Variants in CYFIP1 observed in about 807,000 individuals in gnomAD.
The protein encoded by CYFIP1 is cytoplasmic FMR1-interacting protein 1.
A neutral mutation model predicts 163.5 loss-of-function variants in CYFIP1; 58 were observed. The ratio of observed to expected loss-of-function variants is 0.35; its 90% CI spans 0.29 to 0.44. The LOEUF is 0.44. Among genes scored for constraint, CYFIP1 ranks in the 20% least tolerant of loss-of-function variants. The probability of loss-of-function intolerance (pLI) is 1.00; values close to 1 mark genes in which losing one functional copy is unlikely to be tolerated. For synonymous variants in CYFIP1, 663 were observed against 660.7 expected (o/e 1.00, Z -0.05); for missense variants, 1,338 against 1,653.8 (o/e 0.81, Z 3.31).
At position 22,957,432 on chromosome 15, in the gene CYFIP1, C is replaced by T. The variant is rs551210915; in HGVS notation, c.-6-10141G>A. ...CAGGTGGATCACGAGGTCAGGAGAT[C>T]AAGACCATCCTAGCTAACACGGTGA... On this transcript the variant is annotated intron_variant, in intron 1 of 30. Coordinates refer to ENST00000617928, the MANE Select transcript of CYFIP1 (RefSeq NM_014608.6). Among the ~76,000 whole-genome samples, 266 of 152,256 alleles carry T rather than the reference C, an allele frequency of 1.7e-3. 1 individual carries two copies. In the Middle Eastern group the frequency reaches 0.02, roughly 12 times the overall value.
chr15:22,975,641 C>A (rs1240691092), intron 1 of CYFIP1, among the ~76,000 whole-genome samples: 3 of 152,056 alleles, frequency 2.0e-5, no homozygotes, highest in Non-Finnish European at 2.9e-5. Flanking sequence ...TGCCTGTAAT[C>A]CAAGCTACTT....
At chr15:22,977,383 T>C (rs893181918) in intron 1 of CYFIP1, among the ~76,000 whole-genome samples, 1 of 152,176 alleles carries the variant, frequency 6.6e-6, no homozygotes. Flanking sequence ...TTTTCTTTCT[T>C]TGTCTGATAC....
At chr15:22,909,050 G>C (rs74003072) in intron 21 of CYFIP1, 144 bp downstream of exon 21, 2 of 1,014,696 alleles carry the variant, frequency 2.0e-6, no homozygotes, top group East Asian at 5.0e-5. Context: ...TATAGGCCAC[G>C]CCCAGTGAGT....
intron 22 of CYFIP1, among the ~76,000 whole-genome samples, chr15:22,898,260 T>A (rs966813845): frequency 2.0e-4 from 31 of 151,926 alleles, no homozygotes; most frequent in African/African-American, 6.0e-4. Flanking sequence ...AATTTAATTT[T>A]ATTTATTTAT....
intron 17 of CYFIP1, among the ~76,000 whole-genome samples, chr15:22,913,881 A>G: frequency 1.3e-5 from 2 of 152,270 alleles, no homozygotes; most frequent in Middle Eastern, 6.8e-3. Context: ...GTGGAAGGTG[A>G]CTGCCCTTAC....
chr15:22,951,216 A>T (rs1440070197), intron 1 of CYFIP1: 2 of 655,230 alleles, frequency 3.1e-6, no homozygotes, highest in Non-Finnish European at 2.0e-6. Flanking sequence ...ACCGCCAGCC[A>T]CCTGGACCTC....
intron 1 of CYFIP1, among the ~76,000 whole-genome samples, chr15:22,963,541 T>TAACATAA (rs1595717399): frequency 3.6e-5 from 5 of 140,332 alleles, no homozygotes; most frequent in East Asian, 4.4e-4. Context: ...TAACATAACA[T>TAACATAA]AACATAACAT....
intron 1 of CYFIP1, among the ~76,000 whole-genome samples, chr15:22,975,775 C>T (rs543960908): frequency 1.3e-5 from 2 of 152,254 alleles, no homozygotes; most frequent in African/African-American, 4.8e-5. Context: ...AAGTTACACT[C>T]GGATTTTCAA....
intron 21 of CYFIP1, 170 bp from the exon 22 acceptor site, chr15:22,904,075 C>T: frequency 1.6e-6 from 1 of 642,174 alleles, no homozygotes; most frequent in Non-Finnish European, 2.7e-6. Flanking sequence ...CTTGGCACCC[C>T]ACCTTTTCAG....
intron 1 of CYFIP1, among the ~76,000 whole-genome samples, chr15:22,957,899 T>G (rs1274229732): frequency 4.6e-5 from 7 of 152,128 alleles, no homozygotes; most frequent in Non-Finnish European, 1.0e-4. Context: ...CTCTCCCAGG[T>G]GTAGAAAGAA....
intron 11 of CYFIP1, among the ~76,000 whole-genome samples, chr15:22,931,707 A>AAAAAAAAAAAAAAAC (rs2061543543): frequency 6.7e-6 from 1 of 149,952 alleles, no homozygotes; most frequent in African/African-American, 2.5e-5. Flanking sequence ...AAAAAAAAAA[A>AAAAAAAAAAAAAAAC]AAAGCTTTTT....
chr15:22,902,158 A>G (rs886568896), intron 22 of CYFIP1, among the ~76,000 whole-genome samples: 7 of 152,242 alleles, frequency 4.6e-5, no homozygotes, highest in Non-Finnish European at 1.0e-4. Flanking sequence ...GCCTGTGTCC[A>G]GGGTCCCCCA....
chr15:22,882,995 T>C lies in CYFIP1; in HGVS notation c.2693A>G (p.Tyr898Cys), dbSNP rs1436085411. Residue 898 changes from tyrosine to cysteine, a missense_variant, in exon 24 of 31, where the codon TAC becomes TGC. Coordinates refer to ENST00000617928, the MANE Select transcript of CYFIP1 (RefSeq NM_014608.6). The stretch of plus-strand genomic sequence containing the variant: ...CCGGTAGCTGCCGTAAATGCTGGAG[T>C]AGGCCAAGTTCAAAGCCTGGAAAAC... ...LHGSKALNLA[Y>C]SSIYGSYRNF... 7 of 1,613,442 alleles carry C rather than the reference T, an allele frequency of 4.3e-6. No individual in the cohort carries two copies. Among genetic ancestry groups the C allele is most frequent in the Non-Finnish European group, 4.2e-6 (5 of 1,179,778 alleles).
At chr15:22,928,858 T>C (rs995037078) in intron 11 of CYFIP1, among the ~76,000 whole-genome samples, 25 of 151,954 alleles carry the variant, frequency 1.6e-4, no homozygotes, top group Admixed American at 1.6e-3. Context: ...GGAACCTGCA[T>C]GGAGCTCACA....
At position 22,943,331 on chromosome 15, in the gene CYFIP1, G is replaced by A. The variant is rs149476553; in HGVS notation, c.411C>T (p.Cys137=). 1.3e-3 allele frequency: 2,170 copies of A among 1,614,020 alleles called. 13 individuals carry two copies. Among genetic ancestry groups the A allele is most frequent in the Middle Eastern group, 4.7e-3 (28 of 6,012 alleles). The change falls in exon 6 of 31, where the codon TGC becomes TGT. Residue 137 remains cysteine, a synonymous_variant. Transcript: ENST00000617928. ...CATGGCACAGGCGCCTCACTTCCCC[G>A]CAGAAACGCTCAATGGCATTTCTCT... ...YFQRNAIERF[C]GEVRRLCHAE...
At chr15:22,968,985 T>A (rs1163004474) in intron 1 of CYFIP1, among the ~76,000 whole-genome samples, 9 of 152,140 alleles carry the variant, frequency 5.9e-5, no homozygotes, top group African/African-American at 1.7e-4. Flanking sequence ...TCTGTGAGTA[T>A]CTTCAAGGAC....
chr15:22,930,687 A>G (rs929376091), intron 11 of CYFIP1, among the ~76,000 whole-genome samples: 26 of 152,178 alleles, frequency 1.7e-4, no homozygotes, highest in African/African-American at 6.0e-4. Flanking sequence ...AAAATAATTT[A>G]CAGAATAAGG....
chr15:22,956,468 GA>G lies in CYFIP1; in HGVS notation c.-6-9178del, dbSNP rs748521810. On this transcript the variant is annotated intron_variant, in intron 1 of 30. Coordinates refer to ENST00000617928, the MANE Select transcript of CYFIP1 (RefSeq NM_014608.6). ...GTGCCAAGAGATTAAAAGGGAAAAG[GA>G]AAAAAAAAGTTTGTATGTGTGAGTG... Among the ~76,000 whole-genome samples, 14 of 151,568 alleles carry G rather than the reference GA, an allele frequency of 9.2e-5. No individual in the cohort carries two copies. The South Asian group carries it at 2.3e-3, about 25-fold the overall frequency.
intron 1 of CYFIP1, among the ~76,000 whole-genome samples, chr15:22,961,032 T>C (rs1021324018): frequency 6.6e-6 from 1 of 152,190 alleles, no homozygotes; most frequent in African/African-American, 2.4e-5. Context: ...TTATATTTTA[T>C]TTATTTTTAA....
Sources: gnomAD v4.1 joint callset for allele counts (sites outside exome capture counted in the v4.1 genomes callset) on GRCh38, gnomAD v4.1.1 for gene constraint, MANE v1.5 for transcripts, NCBI Gene and HGNC (gene_info 2026-07-23, HGNC 2026-07-21) for gene names.